ABHD2: variants seen among roughly 807,000 people sequenced by gnomAD.
ABHD2 encodes the protein abhydrolase domain containing 2, acylglycerol lipase, also known as monoacylglycerol lipase ABHD2.
Under a neutral mutation model 48.1 loss-of-function variants are expected in ABHD2, and 20 were observed. The observed-to-expected ratio is 0.42, with a 90% CI of 0.29 to 0.60. The LOEUF (loss-of-function observed/expected upper bound fraction) is 0.60. Ranked by LOEUF, ABHD2 falls within the 20% of genes least tolerant of loss-of-function variation. ABHD2 has a pLI of 0.24. For synonymous variants in ABHD2, 209 were observed against 214.2 expected, an observed-to-expected ratio of 0.98 and a Z score of 0.21; for missense variants, 405 against 550.9, an observed-to-expected ratio of 0.74 and a Z score of 2.65.
intron 5 of ABHD2, among the ~76,000 whole-genome samples, chr15:89,161,331 G>A (rs114562794): frequency 0.054 from 8,281 of 152,092 alleles, 793 homozygotes; most frequent in African/African-American, 0.19. Flanking sequence ...TCAACTCATG[G>A]CCCATCTTGT....
chr15:89,144,892 C>T (rs1335386420), intron 3 of ABHD2, among the ~76,000 whole-genome samples: 1 of 152,174 alleles, frequency 6.6e-6, no homozygotes, highest in Non-Finnish European at 1.5e-5. Context: ...TGTTACTGTG[C>T]TTTAAGACCA....
chr15:89,067,952 C>A, the ABHD2 span, among the ~76,000 whole-genome samples: 1 of 152,146 alleles, frequency 6.6e-6, no homozygotes, highest in Non-Finnish European at 1.5e-5. Flanking sequence ...ATGAAAGAAA[C>A]GGTCTAGTGG....
intron 1 of ABHD2, among the ~76,000 whole-genome samples, chr15:89,105,235 G>A (rs1229287754): frequency 6.6e-5 from 10 of 152,218 alleles, no homozygotes; most frequent in Admixed American, 6.5e-4. Context: ...GTAAGGGCAC[G>A]TAAAAGTGCC....
the ABHD2 span, among the ~76,000 whole-genome samples, chr15:89,057,881 C>G: frequency 1.3e-5 from 2 of 152,130 alleles, no homozygotes; most frequent in Non-Finnish European, 2.9e-5. Context: ...TGAGTCAAAA[C>G]TTTAGTTTGC....
At chr15:89,066,079 A>C in the ABHD2 span, among the ~76,000 whole-genome samples, 1 of 152,146 alleles carries the variant, frequency 6.6e-6, no homozygotes, top group Admixed American at 6.6e-5. Flanking sequence ...TGTGTTTGTG[A>C]CCATTCCTCT....
At chr15:89,128,876 T>C (rs1385721880) in intron 3 of ABHD2, among the ~76,000 whole-genome samples, 1 of 151,662 alleles carries the variant, frequency 6.6e-6, no homozygotes, top group Non-Finnish European at 1.5e-5. Context: ...GCACTGGTGG[T>C]AGGTGGTTGG....
At position 89,188,566 on chromosome 15, in the gene ABHD2, C is replaced by T. The variant is rs961741423; in HGVS notation, c.926+263C>T. 6.6e-5 allele frequency among the ~76,000 whole-genome samples: 10 copies of T among 152,244 alleles called. No homozygotes were observed. The highest frequency in any genetic ancestry group is 2.2e-4 in the African/African-American group (9 of 41,458). On this transcript the variant is annotated intron_variant, in intron 8 of 10. Transcript: ENST00000352732. The surrounding 1 kb of genome is among the most constrained non-coding windows in gnomAD (Gnocchi z 4.1). ...AGCATAGTTAGCTTGATTCAAGGAG[C>T]TGGGGCGTGCAGGCCCTAGCATGGG...
At position 89,166,175 on chromosome 15, in the gene ABHD2, A is replaced by G. The variant is rs77316904; in HGVS notation, c.539-9637A>G. On this transcript the variant is annotated intron_variant, in intron 5 of 10. Transcript: ENST00000352732. This position sits in a 1 kb window ranked among gnomAD's most constrained non-coding sequence, Gnocchi z 4.6. ...TCTATGTCAAGTGAAAGGAATAAAA[A>G]TAACCTGGCTCTGGCTCCCCAAAGG... 1.3e-3 allele frequency among the ~76,000 whole-genome samples: 204 copies of G among 152,380 alleles called. No individual in the cohort carries two copies. Among genetic ancestry groups the G allele is most frequent in the African/African-American group, 4.6e-3 (191 of 41,592 alleles).
intron 1 of ABHD2, among the ~76,000 whole-genome samples, chr15:89,103,447 A>G (rs1285586895): frequency 1.3e-5 from 2 of 152,198 alleles, no homozygotes; most frequent in Non-Finnish European, 2.9e-5. Flanking sequence ...AAATCTTCAT[A>G]ATGTTTAGAT....
chr15:89,193,145 A>C, intron 9 of ABHD2, 90 bp from the exon 10 acceptor site: 4 of 1,299,152 alleles, frequency 3.1e-6, no homozygotes, highest in Non-Finnish European at 4.4e-6. Flanking sequence ...TTGCTTCAAA[A>C]ACATGTCCAG....
At chr15:89,049,202 G>C in the ABHD2 span, among the ~76,000 whole-genome samples, 1 of 152,188 alleles carries the variant, frequency 6.6e-6, no homozygotes, top group Non-Finnish European at 1.5e-5. Context: ...AGGCTGCCCG[G>C]AGGTCAGGCA....
intron 3 of ABHD2, among the ~76,000 whole-genome samples, chr15:89,142,349 C>G (rs1390138140): frequency 6.6e-6 from 1 of 152,166 alleles, no homozygotes; most frequent in East Asian, 1.9e-4. Context: ...TAAATAAATT[C>G]TTGATGCTAG....
chr15:89,195,351 C>G lies in ABHD2; in HGVS notation c.1206C>G (p.Asn402Lys), dbSNP rs746027991. The G allele has an allele frequency of 6.2e-7, 1 of 1,614,234 alleles. No individual in the cohort carries two copies. Among genetic ancestry groups the G allele is most frequent in the Non-Finnish European group, 8.5e-7 (1 of 1,180,040 alleles). Residue 402 changes from asparagine (N) to lysine (K), a missense_variant, in exon 11 of 11, where the codon AAC (asparagine) becomes AAG (lysine). Physicochemically the swap from Asn to Lys is moderately conservative, Grantham distance 94. Transcript: ENST00000352732. The surrounding 1 kb of genome is among the most constrained non-coding windows in gnomAD (Gnocchi z 5.1). ...WMDKLVVEYA[N>K]AICQWERNKL... is the part of the protein sequence containing the mutation. Reference sequence around the variant, plus strand: ...ATAAGCTGGTGGTGGAGTACGCCAACGCCATTTGCCAATGGGAGCGTAACA... The same window carrying G: ...ATAAGCTGGTGGTGGAGTACGCCAAGGCCATTTGCCAATGGGAGCGTAACA...
In ABHD2 at chr15:89,146,107, C is replaced by T. The variant is rs1031441620; in HGVS notation, c.195-5570C>T. Among the ~76,000 whole-genome samples, 3 of 151,964 alleles carry T rather than the reference C, an allele frequency of 2.0e-5. No homozygotes were observed. Among genetic ancestry groups the T allele is most frequent in the African/African-American group, 4.8e-5 (2 of 41,346 alleles). ...ACATATCCTAAACATCTAGTGTGTG[C>T]CAAGTCCTGTGCTAATTTGGTAGAG... On this transcript the variant is annotated intron_variant, in intron 3 of 10. Transcript: ENST00000352732. The surrounding 1 kb of genome is among the most constrained non-coding windows in gnomAD (Gnocchi z 4.2).
Position 89,200,879 on chromosome 15 carries a change from C to T in ABHD2, c.*5456C>T, listed in dbSNP as rs764121762. 3 of 379,420 alleles carry T rather than the reference C, an allele frequency of 7.9e-6. No individual in the cohort carries two copies. The highest frequency in any genetic ancestry group is 1.5e-5 in the Non-Finnish European group (3 of 205,588). 23.5% of individuals were successfully genotyped at this position (379,420 alleles called of 1,614,324 possible). A position where few individuals can be genotyped will look rare whatever the true frequency, so the allele number is the denominator to read the frequency against. On this transcript the variant is annotated 3_prime_UTR_variant, in exon 11 of 11. Coordinates refer to ENST00000352732, the MANE Select transcript of ABHD2 (RefSeq NM_152924.5). ...GGTAGATCACCTGAGGTTAGGAGTT[C>T]AAGACCAGCCTGGCCAACATGGTGA... is the stretch of plus-strand genomic sequence containing the variant.
rs571185166 is a variant in ABHD2, at chr15:89,120,058, C to T, written c.194+3537C>T. ...TGACATGCGCGGAATCAGGACGTGT[C>T]TTCTTACTGTTCTGGTATAGAAAAA... On this transcript the variant is annotated intron_variant, in intron 3 of 10. Transcript: ENST00000352732. This position sits in a 1 kb window ranked among gnomAD's most constrained non-coding sequence, Gnocchi z 4.2. Among the ~76,000 whole-genome samples the T allele has an allele frequency of 3.3e-5, 5 of 152,190 alleles. No homozygotes were observed. Among genetic ancestry groups the T allele is most frequent in the Non-Finnish European group, 7.3e-5 (5 of 68,040 alleles).
the ABHD2 span, among the ~76,000 whole-genome samples, chr15:89,042,341 A>G: frequency 2.6e-5 from 4 of 152,032 alleles, no homozygotes; most frequent in African/African-American, 9.7e-5. Context: ...ACTCCCTCAA[A>G]CATCTTTTTA....
intron 3 of ABHD2, among the ~76,000 whole-genome samples, chr15:89,133,351 G>C (rs1446433769): frequency 6.6e-6 from 1 of 152,192 alleles, no homozygotes; most frequent in Non-Finnish European, 1.5e-5. Context: ...TGCATTGAAT[G>C]CTTCTGTATT....
Position 89,189,327 on chromosome 15 carries a change from A to C in ABHD2, c.926+1024A>C, listed in dbSNP as rs2051266120. ...TAGCAAGTCCCTGTCTCTACAAAAA[A>C]AAATTGAAAAATAAAAATAGCCGGG... On this transcript the variant is annotated intron_variant, in intron 8 of 10. Transcript: ENST00000352732. The surrounding 1 kb of genome is among the most constrained non-coding windows in gnomAD (Gnocchi z 4.9). Among the ~76,000 whole-genome samples the C allele has an allele frequency of 6.6e-6, 1 of 152,076 alleles. No individual in the cohort carries two copies. Among genetic ancestry groups the C allele is most frequent in the Non-Finnish European group, 1.5e-5 (1 of 68,020 alleles).
Sources: allele counts gnomAD v4.1 joint callset (sites outside exome capture counted in the v4.1 genomes callset), GRCh38; gene constraint gnomAD v4.1.1; non-coding constraint Gnocchi (gnomAD v3.1); transcripts MANE v1.5; gene names NCBI Gene and HGNC (gene_info 2026-07-23, HGNC 2026-07-21).